Variants in THAP4 observed in about 807,000 individuals in gnomAD.
THAP4 encodes the protein peroxynitrite isomerase THAP4.
A neutral mutation model predicts 48.1 loss-of-function variants in THAP4; 18 were observed. The ratio of observed to expected loss-of-function variants is 0.37; its 90% CI spans 0.26 to 0.56. The LOEUF is 0.56. Among genes scored for constraint, THAP4 ranks in the 20% least tolerant of loss-of-function variants. The probability of loss-of-function intolerance (pLI) is 0.78; values close to 1 mark genes in which losing one functional copy is unlikely to be tolerated. For missense variants in THAP4, 656 were observed against 774.9 expected, an observed-to-expected ratio of 0.85 and a Z score of 1.82; for synonymous variants, 345 against 324.9, an observed-to-expected ratio of 1.06 and a Z score of -0.66.
intron 2 of THAP4, among the ~76,000 whole-genome samples, chr2:241,618,450 C>G (rs899030296): frequency 6.6e-6 from 1 of 152,164 alleles, no homozygotes; most frequent in East Asian, 1.9e-4. Flanking sequence ...AGCTTTCCCA[C>G]ACGCTAGCAA....
intron 2 of THAP4, among the ~76,000 whole-genome samples, chr2:241,622,774 A>AT (rs577529548): frequency 0.011 from 1,636 of 150,326 alleles, 25 homozygotes; most frequent in African/African-American, 0.036. Flanking sequence ...TAATTTTCTT[A>AT]TTTTTTTTTG....
intron 2 of THAP4, among the ~76,000 whole-genome samples, chr2:241,618,861 A>C (rs1045663419): frequency 6.6e-6 from 1 of 151,726 alleles, no homozygotes; most frequent in African/African-American, 2.4e-5. Flanking sequence ...TGGGATGAGG[A>C]GGGGGAGGTG....
chr2:241,590,422 A>G (rs74197115), intron 5 of THAP4, among the ~76,000 whole-genome samples: 3,144 of 25,734 alleles, frequency 0.12, 1 homozygote, highest in African/African-American at 0.15. Flanking sequence ...GGCTGATGAT[A>G]ATGGGCACTA....
intron 2 of THAP4, among the ~76,000 whole-genome samples, chr2:241,608,804 C>T (rs571023825): frequency 1.3e-5 from 2 of 152,328 alleles, no homozygotes; most frequent in South Asian, 2.1e-4. Context: ...GCTGTTGGGG[C>T]ACTGTGAAAA....
intron 5 of THAP4, among the ~76,000 whole-genome samples, chr2:241,596,298 G>A (rs1394693009): frequency 1.3e-5 from 2 of 151,404 alleles, no homozygotes; most frequent in Non-Finnish European, 2.9e-5. Flanking sequence ...CCTGACATCA[G>A]GAGTTTGAGA....
intron 2 of THAP4, among the ~76,000 whole-genome samples, chr2:241,611,177 C>T (rs878899539): frequency 2.0e-5 from 3 of 152,274 alleles, no homozygotes; most frequent in East Asian, 1.9e-4. Flanking sequence ...GGGGTGGCCC[C>T]TGAGAAGCCT....
intron 2 of THAP4, among the ~76,000 whole-genome samples, chr2:241,625,827 A>G (rs1469807275): frequency 6.6e-6 from 1 of 151,098 alleles, no homozygotes; most frequent in African/African-American, 2.4e-5. Context: ...AAAAAAAAGA[A>G]AAAAGAAAAC....
intron 3 of THAP4, among the ~76,000 whole-genome samples, chr2:241,605,481 T>G (rs979303536): frequency 6.6e-6 from 1 of 152,162 alleles, no homozygotes; most frequent in African/African-American, 2.4e-5. Context: ...CCCTGGTGGC[T>G]CTCCTCTACT....
chr2:241,588,774 CA>C, intron 5 of THAP4, among the ~76,000 whole-genome samples: 1 of 152,052 alleles, frequency 6.6e-6, no homozygotes, highest in East Asian at 1.9e-4. Context: ...CTAGAAATAG[CA>C]ATTCCAAATA....
intron 5 of THAP4, among the ~76,000 whole-genome samples, chr2:241,588,745 G>T (rs899864005): frequency 6.6e-6 from 1 of 152,156 alleles, no homozygotes; most frequent in Non-Finnish European, 1.5e-5. Flanking sequence ...GAAAAAACGT[G>T]ACTACTACCT....
chr2:241,592,900 G>C (rs980547785), intron 5 of THAP4, among the ~76,000 whole-genome samples: 5 of 152,200 alleles, frequency 3.3e-5, no homozygotes, highest in African/African-American at 1.2e-4. Context: ...AAATGGGACT[G>C]CTACCTCACA....
intron 5 of THAP4, among the ~76,000 whole-genome samples, chr2:241,599,916 A>G (rs907383958): frequency 6.6e-6 from 1 of 152,216 alleles, no homozygotes; most frequent in Non-Finnish European, 1.5e-5. Context: ...GCAGACGAAG[A>G]AAGACAAACG....
At chr2:241,637,364 C>G (rs1210118931), upstream of THAP4, 1 of 1,366,952 alleles carries the variant, frequency 7.3e-7, no homozygotes, top group Non-Finnish European at 9.6e-7. Flanking sequence ...GTCCGTACCG[C>G]AAGATGGCTG....
intron 2 of THAP4, among the ~76,000 whole-genome samples, chr2:241,621,245 G>C (rs1182418568): frequency 1.3e-5 from 2 of 152,154 alleles, no homozygotes; most frequent in African/African-American, 4.8e-5. Flanking sequence ...CTACTCGGGA[G>C]GCTGAGGTAG....
chr2:241,625,481 C>CA lies in THAP4; in HGVS notation c.1240+7435dup, dbSNP rs67920958. Among the ~76,000 whole-genome samples, 332 of 88,128 alleles carry CA rather than the reference C, an allele frequency of 3.8e-3. 2 individuals carry two copies. The highest frequency in any genetic ancestry group is 6.9e-3 in the African/African-American group (159 of 22,986). 57.8% of individuals were successfully genotyped at this position (88,128 alleles called of 152,430 possible). A position where few individuals can be genotyped will look rare whatever the true frequency, so the allele number is the denominator to read the frequency against. ...TGGGTGACAGAGTGAGACACTGTCTCAAAAAAAAAAAAAAAAAAGGAAAAA... is the reference window on the plus strand; with the variant it reads ...TGGGTGACAGAGTGAGACACTGTCTCAAAAAAAAAAAAAAAAAAAGGAAAAA... On this transcript the variant is annotated intron_variant, in intron 2 of 5. Transcript: ENST00000407315.
intron 2 of THAP4, among the ~76,000 whole-genome samples, chr2:241,608,332 G>A (rs1217785164): frequency 6.6e-6 from 1 of 152,222 alleles, no homozygotes; most frequent in Non-Finnish European, 1.5e-5. Context: ...GAGAGTGGGA[G>A]AGTCCGCTCC....
chr2:241,590,414 C>G (rs113223387), intron 5 of THAP4, among the ~76,000 whole-genome samples: 81 of 7,228 alleles, frequency 0.011, no homozygotes, highest in Middle Eastern at 0.1. Flanking sequence ...AGCTGCTCGG[C>G]TGATGATAAT....
chr2:241,631,827 T>C (rs1291785783), intron 2 of THAP4, among the ~76,000 whole-genome samples: 1 of 152,090 alleles, frequency 6.6e-6, no homozygotes, highest in East Asian at 1.9e-4. Context: ...CAAACAATAA[T>C]TTTTTTACCA....
chr2:241,602,933 C>T, intron 4 of THAP4, 37 bp downstream of exon 4: 1 of 1,514,128 alleles, frequency 6.6e-7, no homozygotes, highest in Non-Finnish European at 9.2e-7. Flanking sequence ...AGCAGCCTCC[C>T]ATGGCCAGCC....
Sources: gnomAD v4.1 joint callset for allele counts (sites outside exome capture counted in the v4.1 genomes callset) on GRCh38, gnomAD v4.1.1 for gene constraint, MANE v1.5 for transcripts, NCBI Gene and HGNC (gene_info 2026-07-23, HGNC 2026-07-21) for gene names.